Variants in KCND3 observed in about 807,000 individuals in gnomAD.
The protein encoded by KCND3 is A-type voltage-gated potassium channel KCND3.
A neutral mutation model predicts 51.1 loss-of-function variants in KCND3; 9 were observed. The ratio of observed to expected loss-of-function variants is 0.18; its 90% confidence interval spans 0.11 to 0.31. The LOEUF is 0.31. KCND3 is among the 10% of genes least tolerant of loss of function. The pLI is 1.00. For synonymous variants in KCND3, 349 were observed against 368.0 expected (o/e 0.95, Z 0.59); for missense variants, 526 against 903.8 (o/e 0.58, Z 5.36).
intron 2 of KCND3, among the ~76,000 whole-genome samples, chr1:111,800,647 G>C (rs1226556580): frequency 6.6e-6 from 1 of 152,086 alleles, no homozygotes; most frequent in Non-Finnish European, 1.5e-5. Flanking sequence ...TGGATGCATT[G>C]GCTCAGAGTG....
intron 2 of KCND3, among the ~76,000 whole-genome samples, chr1:111,814,231 G>A (rs1665982081): frequency 8.5e-6 from 1 of 118,024 alleles, no homozygotes; most frequent in Non-Finnish European, 1.7e-5. Context: ...ACTGATCGTG[G>A]TGCTTATCCT....
chr1:111,970,197 A>G (rs1047523923), intron 2 of KCND3, among the ~76,000 whole-genome samples: 2 of 152,040 alleles, frequency 1.3e-5, no homozygotes, highest in African/African-American at 4.8e-5. Context: ...TTGTATTTTT[A>G]GTAGAGACAG....
At chr1:111,866,882 C>G (rs2798330) in intron 2 of KCND3, among the ~76,000 whole-genome samples, 137,953 of 152,254 alleles carry the variant, frequency 0.91, 62,925 homozygotes, top group East Asian at 1. Context: ...CAACTAATCA[C>G]CAGTGCCAGC....
intron 2 of KCND3, among the ~76,000 whole-genome samples, chr1:111,951,871 G>T (rs1361753907): frequency 6.6e-6 from 1 of 152,174 alleles, no homozygotes; most frequent in African/African-American, 2.4e-5. Flanking sequence ...AGTGTGGGAA[G>T]ACGGAGAAGC....
intron 2 of KCND3, among the ~76,000 whole-genome samples, chr1:111,960,991 C>A (rs2101930622): frequency 1.3e-5 from 2 of 152,264 alleles, no homozygotes; most frequent in South Asian, 4.2e-4. Flanking sequence ...CCTGCCAGAG[C>A]CATGAGGAGA....
At chr1:111,939,205 G>C (rs1672367740) in intron 2 of KCND3, among the ~76,000 whole-genome samples, 1 of 152,094 alleles carries the variant, frequency 6.6e-6, no homozygotes, top group Admixed American at 6.6e-5. Flanking sequence ...CAAACCCTCA[G>C]GCCCCACAAG....
rs1668534965 is a variant in KCND3, at chr1:111,865,806, C to A, written c.1107-78700G>T. 3.3e-5 allele frequency among the ~76,000 whole-genome samples: 5 copies of A among 152,152 alleles called. No homozygotes were observed. In the South Asian group the frequency reaches 1.0e-3, roughly 32 times the overall value. ...TGCAGCCTCTACGTCCTGGATTCAA[C>A]TGATCCACCTGCCTCAGCCTTCTGA... On this transcript the variant is annotated intron_variant, in intron 2 of 7. Transcript: ENST00000302127.
At chr1:111,885,825 A>G (rs1557999101) in intron 2 of KCND3, among the ~76,000 whole-genome samples, 1 of 152,092 alleles carries the variant, frequency 6.6e-6, no homozygotes, top group Non-Finnish European at 1.5e-5. Flanking sequence ...GGCGCCTGCC[A>G]CCATGCCCAG....
At chr1:111,905,504 GT>G (rs1326168490) in intron 2 of KCND3, among the ~76,000 whole-genome samples, 4 of 152,240 alleles carry the variant, frequency 2.6e-5, no homozygotes. Flanking sequence ...GACATCTGGT[GT>G]TTACCAAACA....
chr1:111,800,551 T>TA (rs1557944558), intron 2 of KCND3, among the ~76,000 whole-genome samples: 7 of 132,946 alleles, frequency 5.3e-5, no homozygotes, highest in African/African-American at 2.1e-4. Flanking sequence ...AAAAATAAAT[T>TA]TAAAAAAAAA....
At chr1:111,896,167 C>T (rs60082316) in intron 2 of KCND3, among the ~76,000 whole-genome samples, 2,323 of 152,212 alleles carry the variant, frequency 0.015, 63 homozygotes, top group African/African-American at 0.053. Context: ...GGGACCTCCC[C>T]GAGAACACGG....
intron 2 of KCND3, among the ~76,000 whole-genome samples, chr1:111,879,636 C>T (rs905624278): frequency 1.3e-5 from 2 of 152,188 alleles, no homozygotes; most frequent in African/African-American, 4.8e-5. Flanking sequence ...AGGGGGCTGT[C>T]TTTGCCAGTT....
At chr1:111,954,827 G>C (rs763528891) in intron 2 of KCND3, among the ~76,000 whole-genome samples, 9 of 152,126 alleles carry the variant, frequency 5.9e-5, no homozygotes, top group Non-Finnish European at 1.2e-4. Context: ...CATTTCCTTT[G>C]GTTTCTCTAG....
chr1:111,945,653 G>A (rs928073875), intron 2 of KCND3, among the ~76,000 whole-genome samples: 12 of 152,202 alleles, frequency 7.9e-5, no homozygotes, highest in East Asian at 1.9e-4. Flanking sequence ...CTTTCTCAGA[G>A]CCCTGAAGTT....
chr1:111,824,762 T>C (rs1288375943), intron 2 of KCND3, among the ~76,000 whole-genome samples: 2 of 152,204 alleles, frequency 1.3e-5, no homozygotes, highest in African/African-American at 4.8e-5. Flanking sequence ...CCCTCATCCA[T>C]GGCGATTCCT....
intron 2 of KCND3, among the ~76,000 whole-genome samples, chr1:111,918,808 T>C (rs1671345071): frequency 1.3e-5 from 2 of 152,100 alleles, no homozygotes; most frequent in East Asian, 3.8e-4. Context: ...CTAGGGATGA[T>C]GAAGCAGGCT....
chr1:111,842,254 A>C (rs1667356086), intron 2 of KCND3, among the ~76,000 whole-genome samples: 1 of 152,174 alleles, frequency 6.6e-6, no homozygotes, highest in African/African-American at 2.4e-5. Flanking sequence ...GGCTCCACAT[A>C]GGCCCCAGCT....
chr1:111,901,449 G>C (rs1223905087), intron 2 of KCND3, among the ~76,000 whole-genome samples: 2 of 152,166 alleles, frequency 1.3e-5, no homozygotes, highest in East Asian at 1.9e-4. Flanking sequence ...GCATTCTAAG[G>C]GCCGGGGCAA....
At chr1:111,863,317 T>C (rs1668414381) in intron 2 of KCND3, among the ~76,000 whole-genome samples, 1 of 114,346 alleles carries the variant, frequency 8.7e-6, no homozygotes, top group South Asian at 4.0e-4. Flanking sequence ...ACTAACCTAT[T>C]TGTCTAGGAA....
Sources: allele counts gnomAD v4.1 joint callset (sites outside exome capture counted in the v4.1 genomes callset), GRCh38; gene constraint gnomAD v4.1.1; transcripts MANE v1.5; gene names NCBI Gene and HGNC (gene_info 2026-07-23, HGNC 2026-07-21).